Variants in CRACD observed in about 807,000 individuals in gnomAD.
CRACD encodes the protein capping protein-inhibiting regulator of actin dynamics.
CRACD carries 56 observed loss-of-function variants against 106.8 expected under a neutral mutation model. That is an observed-to-expected ratio of 0.52 (90% CI 0.42 to 0.66). The LOEUF (loss-of-function observed/expected upper bound fraction) is 0.66, where lower values mean the gene tolerates loss of function less well. Among genes scored for constraint, CRACD ranks in the 30% least tolerant of loss-of-function variants. The pLI, the probability that CRACD is intolerant of heterozygous loss-of-function variation, is 0.00. For missense variants in CRACD, 1,730 were observed against 1,623.2 expected (o/e 1.07, Z -1.13); for synonymous variants, 754 against 670.8 (o/e 1.12, Z -1.92).
chr4:56,299,675 A>G (rs887736720), intron 4 of CRACD, among the ~76,000 whole-genome samples: 25 of 151,792 alleles, frequency 1.6e-4, no homozygotes, highest in Non-Finnish European at 2.5e-4. Context: ...GTCCAAAAAA[A>G]AAAAAAAAAT....
At chr4:56,068,622 G>A (rs1377195844) in intron 1 of CRACD, among the ~76,000 whole-genome samples, 3 of 152,108 alleles carry the variant, frequency 2.0e-5, no homozygotes, top group Non-Finnish European at 4.4e-5. Flanking sequence ...GATAGAGAAG[G>A]GTCAGATTCT....
At chr4:56,072,401 A>G (rs888317918) in intron 1 of CRACD, among the ~76,000 whole-genome samples, 2 of 152,186 alleles carry the variant, frequency 1.3e-5, no homozygotes, top group African/African-American at 4.8e-5. Flanking sequence ...CTGGTAATGA[A>G]CAAGAATAGA....
intron 1 of CRACD, among the ~76,000 whole-genome samples, chr4:56,125,609 A>C (rs891692008): frequency 6.6e-6 from 1 of 151,764 alleles, no homozygotes; most frequent in African/African-American, 2.4e-5. Context: ...TGGAGATGGG[A>C]TCTTACTGTG....
chr4:56,156,504 T>C (rs751175685), intron 1 of CRACD, among the ~76,000 whole-genome samples: 4 of 152,234 alleles, frequency 2.6e-5, no homozygotes, highest in Non-Finnish European at 5.9e-5. Flanking sequence ...AGAGTGGTAA[T>C]GAAGCTTCAA....
chr4:56,133,672 C>A (rs1734897336), intron 1 of CRACD, among the ~76,000 whole-genome samples: 1 of 152,066 alleles, frequency 6.6e-6, no homozygotes, highest in African/African-American at 2.4e-5. Flanking sequence ...ATTACAAGGA[C>A]AATTCAGATT....
chr4:56,197,587 C>T (rs1279846609), intron 2 of CRACD, among the ~76,000 whole-genome samples: 1 of 152,152 alleles, frequency 6.6e-6, no homozygotes, highest in Non-Finnish European at 1.5e-5. Context: ...CCTGGCCCAG[C>T]ATAATTTTCT....
At chr4:56,247,121 A>T (rs1032289379) in intron 2 of CRACD, among the ~76,000 whole-genome samples, 2 of 152,108 alleles carry the variant, frequency 1.3e-5, no homozygotes, top group African/African-American at 4.8e-5. Flanking sequence ...GAGCTCTGTG[A>T]TCATCCTCTG....
chr4:56,149,197 TC>T (rs1056899723), intron 1 of CRACD, among the ~76,000 whole-genome samples: 1 of 152,172 alleles, frequency 6.6e-6, no homozygotes, highest in African/African-American at 2.4e-5. Context: ...CCTGTCTTTT[TC>T]CTCTTTTCTC....
intron 1 of CRACD, among the ~76,000 whole-genome samples, chr4:56,164,420 C>T (rs1736068087): frequency 1.3e-5 from 2 of 152,156 alleles, no homozygotes; most frequent in African/African-American, 4.8e-5. Context: ...AGGCGTGAGC[C>T]ACCGCACCTG....
intron 1 of CRACD, among the ~76,000 whole-genome samples, chr4:56,085,277 C>T (rs1379016932): frequency 1.3e-5 from 2 of 152,100 alleles, no homozygotes; most frequent in East Asian, 1.9e-4. Flanking sequence ...CCCGGGAGTC[C>T]TTAAAACAAT....
chr4:56,113,985 T>C (rs1734202515), intron 1 of CRACD, among the ~76,000 whole-genome samples: 1 of 152,030 alleles, frequency 6.6e-6, no homozygotes, highest in African/African-American at 2.4e-5. Context: ...TGAAGGATAA[T>C]TGACTTAAAA....
intron 4 of CRACD, 42 bp downstream of exon 4, chr4:56,298,391 C>T: frequency 6.2e-7 from 1 of 1,606,826 alleles, no homozygotes; most frequent in South Asian, 1.1e-5. Flanking sequence ...ATAGGAGGGG[C>T]CCAGTTATGA....
At chr4:56,310,581 C>A (rs1435594812) in intron 5 of CRACD, 85 bp from the exon 6 acceptor site, 3 of 973,572 alleles carry the variant, frequency 3.1e-6, no homozygotes, top group Non-Finnish European at 5.0e-6. Flanking sequence ...AGGGGGTGAC[C>A]CTACCCAGGC....
intron 2 of CRACD, among the ~76,000 whole-genome samples, chr4:56,255,242 A>G (rs1437543030): frequency 6.6e-6 from 1 of 151,236 alleles, no homozygotes; most frequent in African/African-American, 2.4e-5. Context: ...TTTTCTCATG[A>G]TTTCTAGCTG....
At chr4:56,287,941 C>T (rs368773823) in intron 3 of CRACD, among the ~76,000 whole-genome samples, 19 of 152,230 alleles carry the variant, frequency 1.2e-4, no homozygotes, top group African/African-American at 3.1e-4. Flanking sequence ...TAGTGCTAAA[C>T]GCATCTTCCC....
rs1577686842 is a variant in CRACD at position 56,138,357 on chromosome 4, GGGA to G, written c.-335-40924_-335-40922del. 2.0e-5 allele frequency among the ~76,000 whole-genome samples: 3 copies of G among 152,118 alleles called. No homozygotes were observed. In the East Asian group the frequency reaches 5.8e-4, roughly 29 times the overall value. On this transcript the variant is annotated intron_variant, in intron 1 of 10. Coordinates refer to ENST00000682029, the MANE Select transcript of CRACD (RefSeq NM_001393381.1). ...TGTGTGCCTGCAATCTCAGCTTCTT[GGGA>G]GGCTAAAGCACGAAAACTGCTTGAA...
At chr4:56,299,238 TACCTCCCTA>T (rs1256634044) in intron 4 of CRACD, among the ~76,000 whole-genome samples, 17 of 152,144 alleles carry the variant, frequency 1.1e-4, no homozygotes, top group Non-Finnish European at 1.0e-4. Flanking sequence ...ACTCGGGTGG[TACCTCCCTA>T]ACAATGAAAA....
chr4:56,104,748 A>C (rs374373157), intron 1 of CRACD, among the ~76,000 whole-genome samples: 371 of 152,084 alleles, frequency 2.4e-3, no homozygotes, highest in African/African-American at 8.3e-3. Flanking sequence ...CGGGCGGATC[A>C]TGAGGTCAGG....
intron 2 of CRACD, among the ~76,000 whole-genome samples, chr4:56,218,409 T>C (rs1738833090): frequency 4.0e-5 from 6 of 151,470 alleles, no homozygotes; most frequent in Admixed American, 3.9e-4. Context: ...CCTCACCTGG[T>C]CTGCTTTCTT....
Sources: allele counts gnomAD v4.1 joint callset (sites outside exome capture counted in the v4.1 genomes callset), GRCh38; gene constraint gnomAD v4.1.1; transcripts MANE v1.5; gene names NCBI Gene and HGNC (gene_info 2026-07-23, HGNC 2026-07-21).